The following DZANK1 variants were observed in gnomAD, a reference collection of about 807,000 sequenced individuals.
The protein encoded by DZANK1 is double zinc ribbon and ankyrin repeat-containing protein 1.
A neutral mutation model predicts 94.5 loss-of-function variants in DZANK1; 91 were observed. The observed-to-expected ratio is 0.96, with a 90% CI of 0.81 to 1.15. The LOEUF (loss-of-function observed/expected upper bound fraction) is 1.15, where lower values mean the gene tolerates loss of function less well. Ranked by LOEUF, DZANK1 falls within the 50% of genes most tolerant of loss-of-function variation. DZANK1 has a pLI of 0.00. For missense variants in DZANK1, 903 were observed against 916.4 expected (o/e 0.99, Z 0.19); for synonymous variants, 312 against 325.3 (o/e 0.96, Z 0.44).
exon 21 of DZANK1, chr20:18,384,551 T>G: frequency 6.2e-7 from 1 of 1,603,576 alleles, no homozygotes; most frequent in Non-Finnish European, 8.5e-7. Context: ...TTCTTTTGGA[T>G]GCTTGCATTG....
At chr20:18,391,197 CA>C (rs2055960165) in intron 17 of DZANK1, among the ~76,000 whole-genome samples, 1 of 152,002 alleles carries the variant, frequency 6.6e-6, no homozygotes, top group Non-Finnish European at 1.5e-5. Flanking sequence ...TCTCAAAAAA[CA>C]AAACAAAACA....
chr20:18,435,692 C>T (rs2058491575), intron 8 of DZANK1, among the ~76,000 whole-genome samples: 2 of 151,642 alleles, frequency 1.3e-5, no homozygotes, highest in Admixed American at 1.3e-4. Context: ...AGCAAACCAC[C>T]ATGGCACATG....
At chr20:18,394,591 GC>G in intron 15 of DZANK1, 1 of 671,158 alleles carries the variant, frequency 1.5e-6, no homozygotes, top group Non-Finnish European at 2.8e-6. Flanking sequence ...TGAAGCCCCA[GC>G]CCCCTCGTCT....
intron 9 of DZANK1, among the ~76,000 whole-genome samples, chr20:18,427,606 G>GGT (rs11474236): frequency 0.26 from 38,603 of 148,608 alleles, 4,972 homozygotes; most frequent in South Asian, 0.32. Flanking sequence ...TGTAAGGTTG[G>GGT]GTGTGTGTGT....
chr20:18,433,168 C>T (rs1332635260), intron 9 of DZANK1: 1 of 158,532 alleles, frequency 6.3e-6, no homozygotes, highest in Non-Finnish European at 1.4e-5. Context: ...ATTATAGATC[C>T]TATTGGCAAA....
chr20:18,396,677 G>A (rs1568886778), intron 14 of DZANK1, 131 bp from the exon 15 acceptor site: 22 of 583,438 alleles, frequency 3.8e-5, no homozygotes, highest in South Asian at 1.5e-4. Context: ...GAAGAAAGTA[G>A]GAAAAGAAAA....
rs1600755203 is a variant in DZANK1, at chr20:18,398,440, T to A, written c.1536+83A>T. 1.1e-5 allele frequency: 14 copies of A among 1,242,644 alleles called. No homozygotes were observed. The Admixed American group carries it at 2.2e-4, about 20-fold the overall frequency. 77.0% of individuals were successfully genotyped at this position (1,242,644 alleles called of 1,614,324 possible). ...GGAAAGGGAAAGGAGCCAGGCAAGA[T>A]GCAGTTTCAGGCAAAGTCCATGGAG... On this transcript the variant is annotated intron_variant, in intron 14 of 20. Transcript: ENST00000262547.
Position 18,433,569 on chromosome 20 carries a change from C to T in DZANK1, c.861+83G>A. 6 of 1,294,920 alleles carry T rather than the reference C, an allele frequency of 4.6e-6. No homozygotes were observed. In the South Asian group the frequency reaches 5.2e-5, roughly 11 times the overall value. The allele number at this position is 1,294,920 out of a possible 1,614,324, so 80.2% of individuals were successfully genotyped here. A position where few individuals can be genotyped will look rare whatever the true frequency, so the allele number is the denominator to read the frequency against. Reference sequence around the variant, plus strand: ...AAAAAAAAAAAAATTGTTACCCCATCCCACTAGCTGAAAAAGGACATATAC... The same window carrying T: ...AAAAAAAAAAAAATTGTTACCCCATTCCACTAGCTGAAAAAGGACATATAC... On this transcript the variant is annotated intron_variant, in intron 9 of 20. Coordinates refer to ENST00000262547, the Ensembl canonical transcript of DZANK1.
At chr20:18,431,808 A>G (rs2058297249) in intron 9 of DZANK1, among the ~76,000 whole-genome samples, 1 of 152,212 alleles carries the variant, frequency 6.6e-6, no homozygotes, top group Admixed American at 6.5e-5. Context: ...GCACCCCAGC[A>G]TTGTTGCAGC....
At chr20:18,428,198 CTTT>C (rs199834993) in intron 9 of DZANK1, among the ~76,000 whole-genome samples, 1 of 146,948 alleles carries the variant, frequency 6.8e-6, no homozygotes, top group Non-Finnish European at 1.5e-5. Context: ...TAATTTTTTT[CTTT>C]TTTTTGAGAC....
intron 10 of DZANK1, among the ~76,000 whole-genome samples, chr20:18,421,968 T>C (rs1038793175): frequency 6.6e-6 from 1 of 152,230 alleles, no homozygotes; most frequent in African/African-American, 2.4e-5. Flanking sequence ...TAATCCCTTA[T>C]CAGATGTATG....
At chr20:18,397,731 C>T (rs1245504744) in intron 14 of DZANK1, among the ~76,000 whole-genome samples, 6 of 152,120 alleles carry the variant, frequency 3.9e-5, no homozygotes, top group Admixed American at 2.0e-4. Context: ...TGTCTGGGGG[C>T]GGGAATCATC....
rs555198101 is a variant in DZANK1 at position 18,448,478 on chromosome 20, T to TTACA, written c.629+502_629+505dup. Among the ~76,000 whole-genome samples, 1,016 of 152,228 alleles carry TTACA rather than the reference T, an allele frequency of 6.7e-3. 11 individuals are homozygous for TTACA. The highest frequency in any genetic ancestry group is 0.022 in the Admixed American group (329 of 15,294). ...TTTCTTGATTGTGACAGTGTCATGGTTACATACATACATACATACATAGTC... is the reference window on the plus strand; with the variant it reads ...TTTCTTGATTGTGACAGTGTCATGGTTACATACATACATACATACATACATAGTC... On this transcript the variant is annotated intron_variant, in intron 7 of 20. Transcript: ENST00000262547.
At chr20:18,417,946 C>T (rs1460009521) in intron 10 of DZANK1, among the ~76,000 whole-genome samples, 1 of 151,926 alleles carries the variant, frequency 6.6e-6, no homozygotes, top group African/African-American at 2.4e-5. Flanking sequence ...ATTAGCCGGG[C>T]GTGGTGGCAC....
chr20:18,435,185 CAGGG>C (rs927136759), intron 8 of DZANK1, among the ~76,000 whole-genome samples: 37 of 152,214 alleles, frequency 2.4e-4, no homozygotes, highest in Non-Finnish European at 4.4e-5. Context: ...GATCCATCAG[CAGGG>C]AGTGGAGGCT....
At chr20:18,435,696 G>A (rs1311967592) in intron 8 of DZANK1, among the ~76,000 whole-genome samples, 2 of 151,612 alleles carry the variant, frequency 1.3e-5, no homozygotes, top group Non-Finnish European at 2.9e-5. Context: ...AACCACCATG[G>A]CACATGTACA....
chr20:18,403,029 A>G (rs1397631192), intron 13 of DZANK1, among the ~76,000 whole-genome samples: 1 of 152,204 alleles, frequency 6.6e-6, no homozygotes, highest in Non-Finnish European at 1.5e-5. Flanking sequence ...GCAGATGAGT[A>G]CACAGGGCTC....
intron 13 of DZANK1, among the ~76,000 whole-genome samples, chr20:18,405,036 T>G (rs577246084): frequency 6.6e-6 from 1 of 151,450 alleles, no homozygotes; most frequent in Non-Finnish European, 1.5e-5. Context: ...TCTACAAAAA[T>G]TTTTTTTTAA....
At chr20:18,452,045 C>G in intron 6 of DZANK1, 1 of 427,346 alleles carries the variant, frequency 2.3e-6, no homozygotes, top group South Asian at 1.8e-5. Flanking sequence ...TCAACCATAC[C>G]TGACCGTTAG....
Sources: allele counts gnomAD v4.1 joint callset (sites outside exome capture counted in the v4.1 genomes callset), GRCh38; gene constraint gnomAD v4.1.1; transcripts MANE v1.5; gene names NCBI Gene and HGNC (gene_info 2026-07-23, HGNC 2026-07-21).